The following ZNF81 variants were observed in gnomAD, a reference collection of about 807,000 sequenced individuals.
The protein encoded by ZNF81 is zinc finger protein 81, also known as zinc finger protein 81 (HFZ20).
ZNF81 carries 5 observed loss-of-function variants against 32.3 expected under a neutral mutation model. That is an observed-to-expected ratio of 0.15 (90% CI 0.08 to 0.33). ZNF81 has a LOEUF of 0.33. ZNF81 is among the 10% of genes least tolerant of loss of function. ZNF81 has a pLI of 1.00. For missense variants in ZNF81, 379 were observed against 479.8 expected, an observed-to-expected ratio of 0.79 and a Z score of 1.96; for synonymous variants, 163 against 166.8, an observed-to-expected ratio of 0.98 and a Z score of 0.17.
intron 4 of ZNF81, 28 bp from the exon 5 acceptor site, chrX:47,914,896 C>G (rs1556890362): frequency 8.4e-6 from 10 of 1,195,009 alleles, no homozygotes; most frequent in African/African-American, 1.8e-5. Context: ...TTGTTTGTGT[C>G]AATTTTACTT....
chrX:47,865,090 C>A (rs1175870190), intron 2 of ZNF81, among the ~76,000 whole-genome samples: 2 of 111,600 alleles, frequency 1.8e-5, no homozygotes, highest in East Asian at 2.8e-4. Context: ...TTTAGGGGAA[C>A]CTTTGTGAAT....
At chrX:47,866,260 A>G (rs1360161767) in intron 2 of ZNF81, among the ~76,000 whole-genome samples, 2 of 112,263 alleles carry the variant, frequency 1.8e-5, no homozygotes, top group Non-Finnish European at 3.8e-5. Context: ...CGTAGCCAGC[A>G]TCAGCTTGGC....
intron 2 of ZNF81, among the ~76,000 whole-genome samples, chrX:47,862,255 C>A (rs142910631): frequency 2.7e-5 from 3 of 110,793 alleles, no homozygotes; most frequent in African/African-American, 9.8e-5. Flanking sequence ...CGGCCGGGTG[C>A]GGTGGCTCAT....
At position 47,920,668 on chromosome X, in the gene ZNF81, T is replaced by C. The variant is rs2058773412; in HGVS notation, c.*4036T>C. The C allele has an allele frequency of 9.1e-6, 1 of 110,241 alleles. No homozygotes were observed. Among genetic ancestry groups the C allele is most frequent in the Non-Finnish European group, 1.9e-5 (1 of 52,782 alleles). 9.1% of individuals were successfully genotyped at this position (110,241 alleles called of 1,213,427 possible). ...TCATTGGAGCTTTGTGCCATTTCTA[T>C]GTTAACAGCAGCCCCCTTGCAGGCC... is the stretch of plus-strand genomic sequence containing the variant. On this transcript the variant is annotated 3_prime_UTR_variant, in exon 5 of 5. Coordinates refer to ENST00000338637, the MANE Select transcript of ZNF81 (RefSeq NM_007137.5).
chrX:47,906,681 G>A (rs1334267541), intron 4 of ZNF81, among the ~76,000 whole-genome samples: 1 of 111,330 alleles, frequency 9.0e-6, no homozygotes, highest in East Asian at 2.8e-4. Flanking sequence ...GCCAGGCATG[G>A]TGGCTGGCGC....
intron 4 of ZNF81, among the ~76,000 whole-genome samples, chrX:47,911,788 A>T (rs1457022333): frequency 8.9e-6 from 1 of 111,976 alleles, no homozygotes; most frequent in Non-Finnish European, 1.9e-5. Flanking sequence ...TTCAGAAGAA[A>T]AAAACTTACT....
Position 47,902,645 on chromosome X carries a change from A to G in ZNF81, c.277+6705A>G, listed in dbSNP as rs781904499. Among the ~76,000 whole-genome samples the G allele has an allele frequency of 2.7e-5, 3 of 112,815 alleles. No individual in the cohort carries two copies. The South Asian group carries it at 1.1e-3, about 41-fold the overall frequency. On this transcript the variant is annotated intron_variant, in intron 4 of 4. Transcript: ENST00000338637. ...AATTAAAACTCTGAATAGAAAAACA[A>G]TTAAAAAATATCTAAATGTTTGAAA... is the stretch of plus-strand genomic sequence containing the variant.
Position 47,924,182 on chromosome X carries a change from G to A in ZNF81, c.*7550G>A, listed in dbSNP as rs1569397937. On this transcript the variant is annotated 3_prime_UTR_variant, in exon 5 of 5. Transcript: ENST00000338637. ...CCAGCTACCTCTATAAATTGTGCAT[G>A]CATCCCTTATTCCATAATGCTCATA... Among the ~76,000 whole-genome samples, 1 of 112,150 alleles carries A rather than the reference G, an allele frequency of 8.9e-6. No individual in the cohort carries two copies. Among genetic ancestry groups the A allele is most frequent in the Non-Finnish European group, 1.9e-5 (1 of 53,254 alleles).
chrX:47,852,015 C>T (rs999806607), intron 2 of ZNF81, among the ~76,000 whole-genome samples: 2 of 112,366 alleles, frequency 1.8e-5, no homozygotes, highest in Admixed American at 9.4e-5. Context: ...ATTGCGGGTT[C>T]GATTCCAGAC....
chrX:47,843,972 C>T (rs2058461141), intron 1 of ZNF81, among the ~76,000 whole-genome samples: 1 of 111,179 alleles, frequency 9.0e-6, no homozygotes, highest in Admixed American at 9.6e-5. Flanking sequence ...GAATATATAG[C>T]TCATTTTTGG....
intron 2 of ZNF81, among the ~76,000 whole-genome samples, chrX:47,881,950 A>AT (rs1256108528): frequency 6.8e-4 from 74 of 108,987 alleles, no homozygotes; most frequent in African/African-American, 2.4e-3. Context: ...CTAATTTTTA[A>AT]TTTTTTTTTA....
At chrX:47,887,273 C>T (rs1556885898) in intron 2 of ZNF81, among the ~76,000 whole-genome samples, 2 of 111,789 alleles carry the variant, frequency 1.8e-5, no homozygotes, top group Non-Finnish European at 3.8e-5. Flanking sequence ...CATACTTTTT[C>T]TTGCTTTTGG....
intron 1 of ZNF81, among the ~76,000 whole-genome samples, chrX:47,839,300 T>G (rs1043036642): frequency 8.9e-6 from 1 of 112,100 alleles, no homozygotes; most frequent in South Asian, 3.7e-4. Flanking sequence ...GTAATAGTTA[T>G]GTAACTATTC....
At position 47,918,247 on chromosome X, in the gene ZNF81, T is replaced by C. The variant is rs966459401; in HGVS notation, c.*1615T>C. 1.8e-5 allele frequency: 2 copies of C among 111,741 alleles called. No individual in the cohort carries two copies. Among genetic ancestry groups the C allele is most frequent in the Non-Finnish European group, 3.8e-5 (2 of 53,204 alleles). The allele number at this position is 111,741 out of a possible 1,213,427, so 9.2% of individuals were successfully genotyped here. On this transcript the variant is annotated 3_prime_UTR_variant, in exon 5 of 5. Transcript: ENST00000338637. ...TTGAAAAATAATGCTTTCACATCAC[T>C]AGTCTCTCCAGCTATCTAACTATTC...
intron 2 of ZNF81, among the ~76,000 whole-genome samples, chrX:47,855,608 T>C (rs1556881784): frequency 8.9e-6 from 1 of 111,898 alleles, no homozygotes; most frequent in Non-Finnish European, 1.9e-5. Flanking sequence ...TACTGTTTTC[T>C]TGATTGTTTT....
intron 2 of ZNF81, among the ~76,000 whole-genome samples, chrX:47,884,842 G>C (rs73489401): frequency 0.017 from 1,899 of 111,664 alleles, 35 homozygotes; most frequent in African/African-American, 0.054. Context: ...TACCACTTTG[G>C]ACTGAAAGGG....
chrX:47,882,198 AC>A (rs782578933), intron 2 of ZNF81, among the ~76,000 whole-genome samples: 42 of 111,118 alleles, frequency 3.8e-4, no homozygotes, highest in African/African-American at 1.3e-3. Context: ...ATATATACAC[AC>A]CCATATACAC....
intron 1 of ZNF81, among the ~76,000 whole-genome samples, chrX:47,845,157 T>C (rs1405575816): frequency 8.9e-6 from 1 of 111,990 alleles, no homozygotes; most frequent in Non-Finnish European, 1.9e-5. Context: ...TTTATTTTAT[T>C]TTACTCTTTA....
At chrX:47,839,891 A>G (rs59819083) in intron 1 of ZNF81, among the ~76,000 whole-genome samples, 8,162 of 107,316 alleles carry the variant, frequency 0.076, 391 homozygotes, top group African/African-American at 0.17. Flanking sequence ...GCAGCCCAAC[A>G]CAAATTCGTA....
Sources: gnomAD v4.1 joint callset for allele counts (sites outside exome capture counted in the v4.1 genomes callset) on GRCh38, gnomAD v4.1.1 for gene constraint, MANE v1.5 for transcripts, NCBI Gene and HGNC (gene_info 2026-07-23, HGNC 2026-07-21) for gene names.